Variants in AFAP1L1 observed in about 807,000 individuals in gnomAD.
The protein encoded by AFAP1L1 is actin filament-associated protein 1-like 1.
In AFAP1L1, 77 loss-of-function variants were observed where a neutral mutation model predicts 99.8. The observed-to-expected ratio is 0.77, with a 90% confidence interval of 0.64 to 0.93. The LOEUF is 0.93. AFAP1L1 is among the 40% of genes least tolerant of loss of function. The pLI, the probability that AFAP1L1 is intolerant of heterozygous loss-of-function variation, is 0.00. For synonymous variants in AFAP1L1, 373 were observed against 395.3 expected, an observed-to-expected ratio of 0.94 and a Z score of 0.67; for missense variants, 893 against 996.8, an observed-to-expected ratio of 0.90 and a Z score of 1.40.
intron 9 of AFAP1L1, among the ~76,000 whole-genome samples, chr5:149,314,381 T>C (rs1756734279): frequency 6.6e-6 from 1 of 152,152 alleles, no homozygotes; most frequent in Admixed American, 6.5e-5. Flanking sequence ...AGTTGAGCTT[T>C]CCTGTGGCTG....
intron 18 of AFAP1L1, among the ~76,000 whole-genome samples, chr5:149,339,139 TATGAAAATGATG>T: frequency 6.6e-6 from 1 of 151,496 alleles, no homozygotes; most frequent in Non-Finnish European, 1.5e-5. Flanking sequence ...CCATGGACAA[TATGAAAATGATG>T]ATGAAAATGG....
chr5:149,302,365 C>A (rs1021623494), intron 4 of AFAP1L1, 53 bp from the exon 5 acceptor site: 1 of 1,383,272 alleles, frequency 7.2e-7, no homozygotes, highest in African/African-American at 1.4e-5. Context: ...CCCTCAGCCT[C>A]TCTCTCCCTA....
At chr5:149,333,555 A>G (rs779970826) in intron 17 of AFAP1L1, among the ~76,000 whole-genome samples, 10 of 152,154 alleles carry the variant, frequency 6.6e-5, no homozygotes, top group Non-Finnish European at 1.0e-4. Flanking sequence ...CTCACCTCCA[A>G]TGGTGCTCTC....
At chr5:149,290,721 G>A (rs886831319) in intron 1 of AFAP1L1, among the ~76,000 whole-genome samples, 3 of 151,768 alleles carry the variant, frequency 2.0e-5, no homozygotes, top group Non-Finnish European at 2.9e-5. Context: ...TTTGTTGCCT[G>A]ATTTTTTTTT....
In AFAP1L1 at chr5:149,343,584, G is replaced by A. The variant is rs568967548; in HGVS notation, c.*3554G>A. ...CCTCATGAAGCTCACATTCTAGTTG[G>A]AGGAAAAAACCTTAACAAGGAAGCA... On this transcript the variant is annotated 3_prime_UTR_variant, in exon 19 of 19. Transcript: ENST00000296721. Among the ~76,000 whole-genome samples the A allele has an allele frequency of 2.0e-4, 30 of 152,120 alleles. No individual in the cohort carries two copies. Among genetic ancestry groups the A allele is most frequent in the African/African-American group, 6.5e-4 (27 of 41,514 alleles).
chr5:149,309,342 G>A (rs933086504), intron 7 of AFAP1L1, among the ~76,000 whole-genome samples: 9 of 151,862 alleles, frequency 5.9e-5, no homozygotes, highest in African/African-American at 1.9e-4. Context: ...ATGGTAAACC[G>A]CTCTTGCATT....
At position 149,317,769 on chromosome 5, in the gene AFAP1L1, C is replaced by G. The variant is rs1256286423; in HGVS notation, c.1308C>G (p.Arg436=). The change falls in exon 12 of 19, where the codon CGC becomes CGG. Residue 436 remains arginine (R), a synonymous_variant. Coordinates refer to ENST00000296721, the MANE Select transcript of AFAP1L1 (RefSeq NM_152406.4). ...NVLVNQGWKE[R]WCRLKCNTLY... ...TGGTGAACCAGGGCTGGAAGGAACG[C>G]TGGTGCCGCCTGAAGTGCAACACTC... The G allele has an allele frequency of 1.9e-6, 3 of 1,614,132 alleles. No individual in the cohort carries two copies. Among genetic ancestry groups the G allele is most frequent in the African/African-American group, 1.3e-5 (1 of 75,072 alleles).
At chr5:149,274,615 A>G (rs2127586649) in intron 1 of AFAP1L1, among the ~76,000 whole-genome samples, 1 of 152,366 alleles carries the variant, frequency 6.6e-6, no homozygotes, top group East Asian at 1.9e-4. Context: ...ACAGTGGCTC[A>G]CGCCCATAAC....
intron 10 of AFAP1L1, 57 bp downstream of exon 10, chr5:149,315,971 C>A: frequency 1.2e-6 from 2 of 1,603,222 alleles, no homozygotes; most frequent in Non-Finnish European, 1.7e-6. Flanking sequence ...GGGCCTTGCC[C>A]ATGGGCACAC....
rs1490350479 is a variant in AFAP1L1, at chr5:149,340,938, A to G, written c.*908A>G. 4 of 152,200 alleles carry G rather than the reference A, an allele frequency of 2.6e-5. No homozygotes were observed. Among genetic ancestry groups the G allele is most frequent in the African/African-American group, 9.7e-5 (4 of 41,444 alleles). 9.4% of individuals were successfully genotyped at this position (152,200 alleles called of 1,614,324 possible). On this transcript the variant is annotated 3_prime_UTR_variant, in exon 19 of 19. Coordinates refer to ENST00000296721, the MANE Select transcript of AFAP1L1 (RefSeq NM_152406.4). ...CAGAGGCCCACTAGTTTGCCCTTCT[A>G]TATATTAAGTAAAACCAAGAGAAAT... is the stretch of plus-strand genomic sequence containing the variant.
At position 149,335,690 on chromosome 5, in the gene AFAP1L1, T is replaced by C; in HGVS notation, c.2251T>C (p.Ser751Pro). ...LRKRSPSIVASNQGRVLQKAK... is the reference protein window; with the variant it reads ...LRKRSPSIVAPNQGRVLQKAK... ...GAAGAGGAGCCCATCCATCGTAGCC[T>C]CCAACCAAGGAAGGGTGCTACAGAA... is the stretch of plus-strand genomic sequence containing the variant. The change falls in exon 18 of 19, where the codon TCC becomes CCC. Residue 751 changes from serine to proline, a missense_variant. Coordinates refer to ENST00000296721, the MANE Select transcript of AFAP1L1 (RefSeq NM_152406.4). 6.2e-7 allele frequency: 1 copy of C among 1,613,986 alleles called. No homozygotes were observed. Among genetic ancestry groups the C allele is most frequent in the Non-Finnish European group, 8.5e-7 (1 of 1,179,994 alleles).
At chr5:149,325,345 G>C (rs984610461) in intron 15 of AFAP1L1, among the ~76,000 whole-genome samples, 10 of 152,154 alleles carry the variant, frequency 6.6e-5, no homozygotes, top group African/African-American at 2.4e-4. Context: ...TGCCAGTCAA[G>C]GGCTACAGTA....
chr5:149,309,524 C>T (rs1016432743), intron 7 of AFAP1L1, among the ~76,000 whole-genome samples: 4 of 152,020 alleles, frequency 2.6e-5, no homozygotes, highest in Non-Finnish European at 2.9e-5. Context: ...TAATACTGGG[C>T]TCATTAAAAA....
rs765558938 is a variant in AFAP1L1, at chr5:149,300,370, C to T, written c.229+16C>T. ...GAAGAATTTGGTAAGTGACCCTCTC[C>T]CAACCTCAGCTACGGAGCCATCCCT... On this transcript the variant is annotated intron_variant, in intron 3 of 18. Coordinates refer to ENST00000296721, the MANE Select transcript of AFAP1L1 (RefSeq NM_152406.4). 2 of 1,606,838 alleles carry T rather than the reference C, an allele frequency of 1.2e-6. No individual in the cohort carries two copies. The highest frequency in any genetic ancestry group is 8.5e-7 in the Non-Finnish European group (1 of 1,175,108).
In AFAP1L1 at chr5:149,332,679, A is replaced by G; in HGVS notation, c.1976-16A>G. ...GGTCAGGTTCAGCTTTTTCTTATCA[A>G]TGTCTCTTGATTCAGGAGCAAAATT... is the stretch of plus-strand genomic sequence containing the variant. On this transcript the variant is annotated splice_polypyrimidine_tract_variant and intron_variant, in intron 16 of 18. Coordinates refer to ENST00000296721, the MANE Select transcript of AFAP1L1 (RefSeq NM_152406.4). The G allele has an allele frequency of 1.2e-6, 2 of 1,604,738 alleles. No homozygotes were observed. Among genetic ancestry groups the G allele is most frequent in the Non-Finnish European group, 1.7e-6 (2 of 1,176,988 alleles).
At chr5:149,322,847 A>T in intron 15 of AFAP1L1, 130 bp downstream of exon 15, 1 of 706,222 alleles carries the variant, frequency 1.4e-6, no homozygotes. Flanking sequence ...AAAATACTCT[A>T]CCGTAAGAAA....
chr5:149,299,919 TCA>T (rs1012498261), intron 2 of AFAP1L1, among the ~76,000 whole-genome samples: 3 of 149,438 alleles, frequency 2.0e-5, no homozygotes, highest in Admixed American at 1.3e-4. Flanking sequence ...ACACACACAC[TCA>T]CATAGAACAC....
intron 9 of AFAP1L1, among the ~76,000 whole-genome samples, chr5:149,314,532 C>A (rs1581326208): frequency 1.3e-5 from 2 of 152,162 alleles, no homozygotes; most frequent in East Asian, 3.8e-4. Context: ...CCAAAGTGCT[C>A]ATATTACCTC....
intron 18 of AFAP1L1, among the ~76,000 whole-genome samples, chr5:149,338,477 A>G (rs185359178): frequency 1.2e-4 from 19 of 152,274 alleles, no homozygotes; most frequent in Admixed American, 1.1e-3. Context: ...CAAAAAAAGC[A>G]TGGCTCTATG....
Sources: gnomAD v4.1 joint callset for allele counts (sites outside exome capture counted in the v4.1 genomes callset) on GRCh38, gnomAD v4.1.1 for gene constraint, MANE v1.5 for transcripts, NCBI Gene and HGNC (gene_info 2026-07-23, HGNC 2026-07-21) for gene names.